The following AGBL1 variants were observed in gnomAD, a reference collection of about 807,000 sequenced individuals.
AGBL1 encodes the protein cytosolic carboxypeptidase 4.
In AGBL1, 130 loss-of-function variants were observed where a neutral mutation model predicts 118.9. The observed-to-expected ratio is 1.09, with a 90% CI of 0.95 to 1.26. The LOEUF is 1.26. Among genes scored for constraint, AGBL1 ranks in the 50% most tolerant of loss-of-function variants. The probability of loss-of-function intolerance (pLI) is 0.00; values close to 1 mark genes in which losing one functional copy is unlikely to be tolerated. For missense variants in AGBL1, 1,584 were observed against 1,298.1 expected, an observed-to-expected ratio of 1.22 and a Z score of -3.38; for synonymous variants, 555 against 478.9, an observed-to-expected ratio of 1.16 and a Z score of -2.08.
At chr15:86,764,625 T>C (rs1447653520) in intron 22 of AGBL1, among the ~76,000 whole-genome samples, 1 of 152,084 alleles carries the variant, frequency 6.6e-6, no homozygotes, top group Non-Finnish European at 1.5e-5. Flanking sequence ...TTGTTTATGA[T>C]CTACAAGAAT....
chr15:86,481,287 C>A (rs575967457), intron 18 of AGBL1, among the ~76,000 whole-genome samples: 2 of 71,752 alleles, frequency 2.8e-5, no homozygotes, highest in Admixed American at 1.0e-4. Flanking sequence ...ATATTTTAAA[C>A]CAGTTTATGA....
chr15:86,763,076 G>T lies in AGBL1; in HGVS notation c.3158+88640G>T, dbSNP rs564646334. ...GAAGATGTGAGCAGTTGCTGATCAC[G>T]TGATGTTTGGAGTTGCATTACTGTA... On this transcript the variant is annotated intron_variant, in intron 22 of 22. Coordinates refer to ENST00000614907, the MANE Select transcript of AGBL1 (RefSeq NM_001386094.1). Among the ~76,000 whole-genome samples, 3 of 152,138 alleles carry T rather than the reference G, an allele frequency of 2.0e-5. No individual in the cohort carries two copies. In the South Asian group the frequency reaches 6.2e-4, roughly 32 times the overall value.
intron 23 of AGBL1, among the ~76,000 whole-genome samples, chr15:86,971,588 C>G (rs1409774191): frequency 6.6e-6 from 1 of 151,936 alleles, no homozygotes; most frequent in South Asian, 2.1e-4. Context: ...ATAGGAATAG[C>G]TGCTATTCTA....
At chr15:86,760,235 A>G (rs2078004508) in intron 22 of AGBL1, among the ~76,000 whole-genome samples, 1 of 152,044 alleles carries the variant, frequency 6.6e-6, no homozygotes. Flanking sequence ...AGACTACCTC[A>G]TGACTAAATT....
At chr15:86,685,060 A>G (rs146007437) in intron 22 of AGBL1, among the ~76,000 whole-genome samples, 2 of 152,220 alleles carry the variant, frequency 1.3e-5, no homozygotes, top group African/African-American at 4.8e-5. Flanking sequence ...AGGTATGTTT[A>G]GAAGTAGATA....
intron 17 of AGBL1, among the ~76,000 whole-genome samples, chr15:86,346,398 G>A (rs1174735596): frequency 6.6e-6 from 1 of 151,552 alleles, no homozygotes; most frequent in Non-Finnish European, 1.5e-5. Context: ...CCAGGCTGGG[G>A]TGCAGTGGCG....
rs1191990032 is a variant in AGBL1, at chr15:86,756,456, G to T, written c.3158+82020G>T. Among the ~76,000 whole-genome samples, 3 of 149,948 alleles carry T rather than the reference G, an allele frequency of 2.0e-5. No individual in the cohort carries two copies. In the South Asian group the frequency reaches 6.2e-4, roughly 31 times the overall value. ...CCTGTTGGCTCCTGACTAAGTAAGA[G>T]GTGAAGAAGAGGACAGAGATGCTGC... On this transcript the variant is annotated intron_variant, in intron 22 of 22. Transcript: ENST00000614907.
In AGBL1 at chr15:86,986,918, G is replaced by A. The variant is rs535810701; in HGVS notation, c.3222-1069G>A. Among the ~76,000 whole-genome samples, 14 of 152,168 alleles carry A rather than the reference G, an allele frequency of 9.2e-5. 1 individual carries two copies. The South Asian group carries it at 2.7e-3, about 29-fold the overall frequency. On this transcript the variant is annotated intron_variant, in intron 23 of 24. Transcript: ENST00000441037. ...AAGAGAGTCAGCCAAAGGAGATATG[G>A]GTGGGGTCGTTTTATAGGATTTAGG...
At chr15:86,582,176 A>T (rs1398368186) in intron 21 of AGBL1, among the ~76,000 whole-genome samples, 1 of 152,144 alleles carries the variant, frequency 6.6e-6, no homozygotes, top group Non-Finnish European at 1.5e-5. Flanking sequence ...ATCACCCATT[A>T]TTGAGAACCA....
chr15:86,962,393 A>G (rs1052393536), intron 23 of AGBL1, among the ~76,000 whole-genome samples: 5 of 152,208 alleles, frequency 3.3e-5, no homozygotes, highest in Non-Finnish European at 7.4e-5. Context: ...CAAGGCATTA[A>G]CATGTCTAAG....
chr15:86,606,819 C>A (rs2084583884), intron 21 of AGBL1, among the ~76,000 whole-genome samples: 1 of 152,180 alleles, frequency 6.6e-6, no homozygotes, highest in Non-Finnish European at 1.5e-5. Flanking sequence ...ATCTGTATTA[C>A]TAACCAAAGT....
Position 86,143,962 on chromosome 15 carries a change from T to C in AGBL1, c.262+117T>C, listed in dbSNP as rs960072005. 23 of 1,290,170 alleles carry C rather than the reference T, an allele frequency of 1.8e-5. No homozygotes were observed. The East Asian group carries it at 4.9e-4, about 27-fold the overall frequency. 79.9% of individuals were successfully genotyped at this position (1,290,170 alleles called of 1,614,324 possible). A position where few individuals can be genotyped will look rare whatever the true frequency, so the allele number is the denominator to read the frequency against. ...CAGGGAGAAAGCGTCAGGGAGGTTC[T>C]GGACAACTTGATGGTGATGGCAGGA... On this transcript the variant is annotated intron_variant, in intron 3 of 22. Transcript: ENST00000614907.
chr15:86,554,015 C>T (rs1218996853), intron 20 of AGBL1, among the ~76,000 whole-genome samples: 2 of 152,028 alleles, frequency 1.3e-5, no homozygotes, highest in Admixed American at 1.3e-4. Flanking sequence ...TGCCTGCCAC[C>T]ACATCCAGCT....
chr15:86,793,287 G>C (rs1387774607), intron 22 of AGBL1, among the ~76,000 whole-genome samples: 1 of 152,140 alleles, frequency 6.6e-6, no homozygotes, highest in East Asian at 1.9e-4. Context: ...CATAACTCTA[G>C]ACATATGAAC....
rs528197976 is a variant in AGBL1, at chr15:86,748,845, C to T, written c.3158+74409C>T. 3.1e-3 allele frequency among the ~76,000 whole-genome samples: 478 copies of T among 152,030 alleles called. 3 individuals are homozygous for T. Among genetic ancestry groups the T allele is most frequent in the African/African-American group, 0.011 (459 of 41,466 alleles). On this transcript the variant is annotated intron_variant, in intron 22 of 22. Coordinates refer to ENST00000614907, the MANE Select transcript of AGBL1 (RefSeq NM_001386094.1). ...AGATGTGTGGTATTATTCCTGAGGGCTCTGTTCTGTTCCATTGGTCTATAT... is the reference window on the plus strand; with the variant it reads ...AGATGTGTGGTATTATTCCTGAGGGTTCTGTTCTGTTCCATTGGTCTATAT...
chr15:86,302,709 G>T (rs757666557), intron 17 of AGBL1, among the ~76,000 whole-genome samples: 3 of 151,056 alleles, frequency 2.0e-5, no homozygotes, highest in Non-Finnish European at 4.4e-5. Flanking sequence ...ATCCCAGGAG[G>T]TGGAGGTTAC....
chr15:86,625,836 A>C (rs2084878990), intron 21 of AGBL1, among the ~76,000 whole-genome samples: 1 of 152,194 alleles, frequency 6.6e-6, no homozygotes. Flanking sequence ...CAGCCATGCC[A>C]ATATCCGAAT....
intron 21 of AGBL1, among the ~76,000 whole-genome samples, chr15:86,652,554 G>A (rs74333631): frequency 0.012 from 1,843 of 151,834 alleles, 29 homozygotes; most frequent in East Asian, 0.075. Flanking sequence ...TACCTACCTC[G>A]GATTGTAGAT....
intron 17 of AGBL1, among the ~76,000 whole-genome samples, chr15:86,387,772 G>A (rs541306496): frequency 5.3e-5 from 8 of 152,122 alleles, no homozygotes; most frequent in South Asian, 2.1e-4. Flanking sequence ...TCCCCAGTGC[G>A]GTGAGTAGGA....
Sources: gnomAD v4.1 joint callset for allele counts (sites outside exome capture counted in the v4.1 genomes callset) on GRCh38, gnomAD v4.1.1 for gene constraint, MANE v1.5 for transcripts, NCBI Gene and HGNC (gene_info 2026-07-23, HGNC 2026-07-21) for gene names.